Variants in ADAMTS19 observed in about 807,000 individuals in gnomAD.
The protein encoded by ADAMTS19 is A disintegrin and metalloproteinase with thrombospondin motifs 19.
ADAMTS19 carries 93 observed loss-of-function variants against 153.3 expected under a neutral mutation model. The ratio of observed to expected loss-of-function variants is 0.61; its 90% CI spans 0.51 to 0.72. The LOEUF (loss-of-function observed/expected upper bound fraction) is 0.72, where lower values mean the gene tolerates loss of function less well. ADAMTS19 is among the 30% of genes least tolerant of loss of function. The pLI is 0.00. For synonymous variants in ADAMTS19, 600 were observed against 556.6 expected (o/e 1.08, Z -1.10); for missense variants, 1,482 against 1,552.1 (o/e 0.95, Z 0.76).
intron 11 of ADAMTS19, among the ~76,000 whole-genome samples, chr5:129,644,468 A>G (rs1054004876): frequency 6.6e-6 from 1 of 152,234 alleles, no homozygotes; most frequent in African/African-American, 2.4e-5. Context: ...AACTGTATAA[A>G]TCTAGTTAAT....
chr5:129,719,817 G>T (rs544612287), intron 21 of ADAMTS19, among the ~76,000 whole-genome samples: 1 of 152,276 alleles, frequency 6.6e-6, no homozygotes, highest in South Asian at 2.1e-4. Context: ...GAGGTGGGCA[G>T]ATCACTTGAG....
chr5:129,658,373 G>A (rs1480164448), intron 14 of ADAMTS19, among the ~76,000 whole-genome samples: 1 of 151,534 alleles, frequency 6.6e-6, no homozygotes, highest in African/African-American at 2.4e-5. Context: ...AAGAAAGAGA[G>A]AGAGGAAGGA....
At chr5:129,468,344 T>C (rs1043994311) in intron 2 of ADAMTS19, among the ~76,000 whole-genome samples, 2 of 152,132 alleles carry the variant, frequency 1.3e-5, no homozygotes, top group African/African-American at 2.4e-5. Flanking sequence ...ATCTAATAGA[T>C]AAAAGATGTT....
intron 21 of ADAMTS19, among the ~76,000 whole-genome samples, chr5:129,708,479 C>T (rs1201887611): frequency 2.7e-5 from 4 of 148,922 alleles, no homozygotes; most frequent in Non-Finnish European, 5.9e-5. Flanking sequence ...ATAACATTGT[C>T]TCTAATGTTT....
intron 2 of ADAMTS19, among the ~76,000 whole-genome samples, chr5:129,466,706 TA>T (rs1359373704): frequency 6.6e-6 from 1 of 152,176 alleles, no homozygotes; most frequent in Admixed American, 6.5e-5. Context: ...GGAATGCATT[TA>T]AAAAATCAGT....
At chr5:129,478,211 A>G (rs932002243) in intron 2 of ADAMTS19, among the ~76,000 whole-genome samples, 13 of 152,144 alleles carry the variant, frequency 8.5e-5, no homozygotes, top group African/African-American at 3.1e-4. Context: ...ATTATATTTT[A>G]TGGGCTCTAT....
intron 16 of ADAMTS19, among the ~76,000 whole-genome samples, chr5:129,672,951 T>A (rs1039210199): frequency 3.9e-5 from 6 of 152,136 alleles, no homozygotes; most frequent in Non-Finnish European, 7.4e-5. Flanking sequence ...AAGAAATTAA[T>A]TCATTTCCCT....
chr5:129,462,521 T>A (rs1160311727), intron 2 of ADAMTS19, among the ~76,000 whole-genome samples: 1 of 152,176 alleles, frequency 6.6e-6, no homozygotes, highest in Non-Finnish European at 1.5e-5. Context: ...CCATTTGCTC[T>A]GTCAATGTAG....
intron 21 of ADAMTS19, among the ~76,000 whole-genome samples, chr5:129,715,200 ATTACTT>A (rs1756670965): frequency 6.6e-6 from 1 of 152,172 alleles, no homozygotes; most frequent in African/African-American, 2.4e-5. Context: ...TATCTATAGA[ATTACTT>A]TTAATTTTAT....
chr5:129,694,564 C>G (rs1448938847), intron 18 of ADAMTS19, among the ~76,000 whole-genome samples, 156 bp from the exon 19 acceptor site: 4 of 151,500 alleles, frequency 2.6e-5, no homozygotes. Context: ...AAAATGTATA[C>G]ATCTAATATG....
At chr5:129,673,426 G>T (rs1754400879) in intron 16 of ADAMTS19, among the ~76,000 whole-genome samples, 1 of 151,902 alleles carries the variant, frequency 6.6e-6, no homozygotes, top group Non-Finnish European at 1.5e-5. Context: ...CTTATAAATG[G>T]ATTGTTTAAT....
chr5:129,694,267 C>A (rs1755460016), intron 18 of ADAMTS19, among the ~76,000 whole-genome samples: 1 of 152,122 alleles, frequency 6.6e-6, no homozygotes, highest in Admixed American at 6.6e-5. Context: ...ATAATATCTT[C>A]ATTGTTCTAA....
At chr5:129,666,775 T>C (rs1240376786) in intron 16 of ADAMTS19, among the ~76,000 whole-genome samples, 2 of 152,218 alleles carry the variant, frequency 1.3e-5, no homozygotes, top group African/African-American at 2.4e-5. Context: ...ACCCAGTTTT[T>C]AGAGACACTG....
At chr5:129,702,767 A>G (rs971248685) in intron 20 of ADAMTS19, among the ~76,000 whole-genome samples, 1 of 151,556 alleles carries the variant, frequency 6.6e-6, no homozygotes, top group Non-Finnish European at 1.5e-5. Flanking sequence ...ATTTTTGCAA[A>G]CTCTTCGGGA....
chr5:129,629,427 T>C (rs189130750), intron 10 of ADAMTS19, among the ~76,000 whole-genome samples: 1 of 152,148 alleles, frequency 6.6e-6, no homozygotes, highest in Non-Finnish European at 1.5e-5. Flanking sequence ...ATATGTATGT[T>C]TCAGGCAAAA....
At chr5:129,555,210 C>A (rs1236077078) in intron 7 of ADAMTS19, among the ~76,000 whole-genome samples, 1 of 152,046 alleles carries the variant, frequency 6.6e-6, no homozygotes, top group Non-Finnish European at 1.5e-5. Flanking sequence ...CTTTAAGATG[C>A]TTCTCCCTAT....
intron 2 of ADAMTS19, among the ~76,000 whole-genome samples, chr5:129,462,028 C>T (rs751185568): frequency 2.6e-5 from 4 of 152,166 alleles, no homozygotes; most frequent in Non-Finnish European, 5.9e-5. Context: ...TCTGCCTTTT[C>T]GTAACTTCTT....
At chr5:129,618,196 A>G (rs1751617214) in intron 8 of ADAMTS19, among the ~76,000 whole-genome samples, 1 of 152,026 alleles carries the variant, frequency 6.6e-6, no homozygotes, top group South Asian at 2.1e-4. Context: ...GTTCATACCT[A>G]TTTCATATAA....
In ADAMTS19 at chr5:129,640,342, G is replaced by A. The variant is rs545484587; in HGVS notation, c.1771-1517G>A. Among the ~76,000 whole-genome samples the A allele has an allele frequency of 5.9e-5, 9 of 152,136 alleles. No homozygotes were observed. The South Asian group carries it at 8.3e-4, about 14-fold the overall frequency. Reference sequence around the variant, plus strand: ...ATAGGAAAATAATATTTTGGGATTTGCAACAAAGTAAGTATTAGGGTAATT... The same window carrying A: ...ATAGGAAAATAATATTTTGGGATTTACAACAAAGTAAGTATTAGGGTAATT... On this transcript the variant is annotated intron_variant, in intron 10 of 22. Transcript: ENST00000274487.
Sources: gnomAD v4.1 joint callset for allele counts (sites outside exome capture counted in the v4.1 genomes callset) on GRCh38, gnomAD v4.1.1 for gene constraint, MANE v1.5 for transcripts, NCBI Gene and HGNC (gene_info 2026-07-23, HGNC 2026-07-21) for gene names.